Variants in ADAD1 observed in about 807,000 individuals in gnomAD.
The protein encoded by ADAD1 is adenosine deaminase domain containing 1.
In ADAD1, 46 loss-of-function variants were observed where a neutral mutation model predicts 66.8. The ratio of observed to expected loss-of-function variants is 0.69; its 90% confidence interval spans 0.54 to 0.88. ADAD1 has a LOEUF of 0.88. ADAD1 is among the 40% of genes least tolerant of loss of function. The probability of loss-of-function intolerance (pLI) is 0.00; values close to 1 mark genes in which losing one functional copy is unlikely to be tolerated. For missense variants in ADAD1, 617 were observed against 681.8 expected (o/e 0.91, Z 1.06); for synonymous variants, 248 against 229.4 (o/e 1.08, Z -0.73).
chr4:122,391,295 C>G (rs1795424266), intron 5 of ADAD1, among the ~76,000 whole-genome samples: 1 of 152,196 alleles, frequency 6.6e-6, no homozygotes, highest in Admixed American at 6.5e-5. Flanking sequence ...AGGATCACTC[C>G]TGTATAAGGT....
intron 5 of ADAD1, 52 bp from the exon 6 acceptor site, chr4:122,393,537 T>C: frequency 6.8e-7 from 1 of 1,473,084 alleles, no homozygotes; most frequent in Non-Finnish European, 9.1e-7. Context: ...AAATACCAGC[T>C]CTTTGGAATG....
At position 122,380,242 on chromosome 4, in the gene ADAD1, G is replaced by A; in HGVS notation, c.172+1G>A. The stretch of plus-strand genomic sequence containing the variant: ...GCATCCAAGGTTACGCAAGTAACGG[G>A]TACGACTTTTTTCATTTGTAACAAT... On this transcript the variant is annotated splice_donor_variant, in intron 3 of 12. Transcript: ENST00000296513. LOFTEE classifies it high-confidence loss of function. The A allele has an allele frequency of 6.2e-7, 1 of 1,601,826 alleles. No individual in the cohort carries two copies. Among genetic ancestry groups the A allele is most frequent in the Non-Finnish European group, 8.5e-7 (1 of 1,176,102 alleles).
At position 122,393,602 on chromosome 4, in the gene ADAD1, C is replaced by G; in HGVS notation, c.543C>G (p.Phe181Leu). The G allele has an allele frequency of 6.3e-7, 1 of 1,596,590 alleles. No individual in the cohort carries two copies. Among genetic ancestry groups the G allele is most frequent in the Non-Finnish European group, 8.5e-7 (1 of 1,173,174 alleles). Residue 181 changes from phenylalanine to leucine, a missense_variant, in exon 6 of 13, where the codon TTC (phenylalanine) becomes TTG (leucine). Physicochemically the swap from Phe to Leu is conservative, Grantham distance 22. Coordinates refer to ENST00000296513, the MANE Select transcript of ADAD1 (RefSeq NM_139243.4). Reference sequence around the variant, plus strand: ...TTTTGTTTACAGGTCCTCCTCCTTTCCCTGCAGAACCTGTTGTTTTATCTG... The same window carrying G: ...TTTTGTTTACAGGTCCTCCTCCTTTGCCTGCAGAACCTGTTGTTTTATCTG... ...RILETSGPPP[F>L]PAEPVVLSEL... is the part of the protein sequence containing the mutation.
At chr4:122,392,036 A>C (rs948858253) in intron 5 of ADAD1, among the ~76,000 whole-genome samples, 3 of 152,190 alleles carry the variant, frequency 2.0e-5, no homozygotes, top group Non-Finnish European at 2.9e-5. Flanking sequence ...AAAATGCAAA[A>C]CATCTTGTAC....
chr4:122,412,935 G>A (rs1010318562), intron 10 of ADAD1, 126 bp downstream of exon 10: 3 of 729,278 alleles, frequency 4.1e-6, no homozygotes, highest in Admixed American at 2.7e-5. Context: ...TCAAAACACA[G>A]ATCTGCTGTT....
chr4:122,386,621 C>T (rs890810763), intron 5 of ADAD1, among the ~76,000 whole-genome samples: 9 of 152,098 alleles, frequency 5.9e-5, no homozygotes, highest in Non-Finnish European at 1.0e-4. Context: ...ATGCCTGTGT[C>T]CTGAATGGTA....
chr4:122,415,564 G>A lies in ADAD1; in HGVS notation c.1435G>A (p.Gly479Arg), dbSNP rs766936148. ...ATTTCTGAGTCTGAATTGGGCACAA[G>A]GAGATGTTTCTTTGGAGATTGTGGA... ...YKFLSLNWAQ[G>R]DVSLEIVDGL... Residue 479 changes from glycine (G) to arginine (R), a missense_variant, in exon 11 of 13, where the codon GGA becomes AGA. Gly to Arg is a moderately radical substitution (Grantham distance 125). Coordinates refer to ENST00000296513, the MANE Select transcript of ADAD1 (RefSeq NM_139243.4). 9.3e-6 allele frequency: 15 copies of A among 1,613,890 alleles called. No homozygotes were observed. The highest frequency in any genetic ancestry group is 1.3e-5 in the Non-Finnish European group (15 of 1,179,836).
At chr4:122,420,497 C>T (rs569173797) in intron 11 of ADAD1, among the ~76,000 whole-genome samples, 10 of 152,286 alleles carry the variant, frequency 6.6e-5, no homozygotes, top group Middle Eastern at 3.4e-3. Context: ...ATCACACTGT[C>T]TATTGTGTTT....
At chr4:122,380,291 G>C in intron 3 of ADAD1, 50 bp downstream of exon 3, 1 of 1,557,820 alleles carries the variant, frequency 6.4e-7, no homozygotes, top group South Asian at 1.2e-5. Flanking sequence ...AAGATTCTAG[G>C]ATGGCCAGTA....
At chr4:122,403,557 TCTC>T (rs1195615645) in intron 7 of ADAD1, among the ~76,000 whole-genome samples, 2 of 152,164 alleles carry the variant, frequency 1.3e-5, no homozygotes, top group African/African-American at 2.4e-5. Context: ...GCTGTTGTTT[TCTC>T]CTTCTTTGGA....
intron 5 of ADAD1, among the ~76,000 whole-genome samples, chr4:122,392,789 A>G (rs1795510898): frequency 6.6e-6 from 1 of 152,190 alleles, no homozygotes; most frequent in African/African-American, 2.4e-5. Flanking sequence ...TAAAACTGGA[A>G]TTTCTTATCA....
At chr4:122,407,766 T>G (rs1355432653) in intron 7 of ADAD1, 142 bp from the exon 8 acceptor site, 1 of 955,648 alleles carries the variant, frequency 1.0e-6, no homozygotes, top group Non-Finnish European at 1.4e-6. Context: ...TCTAAGACTC[T>G]TATTTTAAAT....
At chr4:122,427,692 GC>G (rs1286244594) in intron 12 of ADAD1, among the ~76,000 whole-genome samples, 1 of 151,408 alleles carries the variant, frequency 6.6e-6, no homozygotes, top group East Asian at 1.9e-4. Flanking sequence ...CCGCCACCAC[GC>G]CCGGCTAATT....
chr4:122,415,430 G>T lies in ADAD1; in HGVS notation c.1301G>T (p.Arg434Leu). The change falls in exon 11 of 13, where the codon CGT becomes CTT. Residue 434 changes from arginine (R) to leucine (L), a missense_variant. Transcript: ENST00000296513. ...GGCTTAGAAATCGCTATAAAGCAAC[G>T]TGTTGATGATGCACTCACTTCAAAA... Reference protein sequence around the residue: ...TRGLEIAIKQRVDDALTSKLP... With the variant: ...TRGLEIAIKQLVDDALTSKLP... 1 of 1,613,844 alleles carries T rather than the reference G, an allele frequency of 6.2e-7. No homozygotes were observed. Among genetic ancestry groups the T allele is most frequent in the Non-Finnish European group, 8.5e-7 (1 of 1,179,828 alleles).
chr4:122,398,193 C>G (rs1441589951), intron 7 of ADAD1, among the ~76,000 whole-genome samples: 1 of 151,788 alleles, frequency 6.6e-6, no homozygotes, highest in Non-Finnish European at 1.5e-5. Context: ...ATTCTTATGC[C>G]TTCTTGTCTT....
At chr4:122,386,182 C>T (rs934935952) in intron 5 of ADAD1, among the ~76,000 whole-genome samples, 4 of 152,178 alleles carry the variant, frequency 2.6e-5, no homozygotes, top group African/African-American at 9.7e-5. Context: ...ATTCCTATTT[C>T]TCCACAGCCT....
chr4:122,406,756 G>A (rs965112979), intron 7 of ADAD1, among the ~76,000 whole-genome samples: 9 of 151,868 alleles, frequency 5.9e-5, no homozygotes, highest in African/African-American at 1.7e-4. Context: ...TTTGCCCAGG[G>A]CAGTGTGCAC....
chr4:122,401,448 T>C (rs975837017), intron 7 of ADAD1, among the ~76,000 whole-genome samples: 6 of 152,142 alleles, frequency 3.9e-5, no homozygotes, highest in Admixed American at 6.5e-5. Context: ...TTCCAGGTGC[T>C]AATAAATAGA....
chr4:122,413,851 C>CATATATATATATATATATATATATAT lies in ADAD1; in HGVS notation c.1249+1043_1249+1068dup, dbSNP rs377322878. ...TTTCACGCTGCTGCTTATGATAGAT[C>CATATATATATATATATATATATATAT]ATATATATATATATATATATATATA... On this transcript the variant is annotated intron_variant, in intron 10 of 12. Transcript: ENST00000296513. 8.6e-4 allele frequency among the ~76,000 whole-genome samples: 109 copies of CATATATATATATATATATATATATAT among 126,558 alleles called. 1 individual carries two copies. The highest frequency in any genetic ancestry group is 1.3e-3 in the African/African-American group (46 of 34,512). The allele number at this position is 126,558 out of a possible 152,430, so 83.0% of individuals were successfully genotyped here.
Sources: allele counts gnomAD v4.1 joint callset (sites outside exome capture counted in the v4.1 genomes callset), GRCh38; gene constraint gnomAD v4.1.1; transcripts MANE v1.5; gene names NCBI Gene and HGNC (gene_info 2026-07-23, HGNC 2026-07-21).